The following GALNTL6 variants were observed in gnomAD, a reference collection of about 807,000 sequenced individuals.
GALNTL6 encodes polypeptide N-acetylgalactosaminyltransferase like 6.
A neutral mutation model predicts 73.7 loss-of-function variants in GALNTL6; 46 were observed. The observed-to-expected ratio is 0.62, with a 90% confidence interval of 0.49 to 0.80. The LOEUF (loss-of-function observed/expected upper bound fraction) is 0.80. Ranked by LOEUF, GALNTL6 falls within the 30% of genes least tolerant of loss-of-function variation. GALNTL6 has a pLI of 0.00. For synonymous variants in GALNTL6, 259 were observed against 263.7 expected (o/e 0.98, Z 0.17); for missense variants, 604 against 755.0 (o/e 0.80, Z 2.34).
chr4:172,269,776 G>A (rs1738576484), intron 3 of GALNTL6, among the ~76,000 whole-genome samples: 1 of 151,454 alleles, frequency 6.6e-6, no homozygotes, highest in Non-Finnish European at 1.5e-5. Context: ...TTTTGAGACA[G>A]AGTTTCACTT....
chr4:172,191,134 GC>G (rs768232739), intron 2 of GALNTL6, among the ~76,000 whole-genome samples: 5 of 152,160 alleles, frequency 3.3e-5, no homozygotes, highest in Non-Finnish European at 5.9e-5. Context: ...CTGTGTGATT[GC>G]CCTTTAATTT....
chr4:172,395,976 C>T (rs914599745), intron 5 of GALNTL6, among the ~76,000 whole-genome samples: 1 of 152,064 alleles, frequency 6.6e-6, no homozygotes, highest in Non-Finnish European at 1.5e-5. Flanking sequence ...GCTAAATCAA[C>T]GTGTACAGAA....
At chr4:172,436,005 A>G (rs1301213111) in intron 5 of GALNTL6, among the ~76,000 whole-genome samples, 7 of 37,990 alleles carry the variant, frequency 1.8e-4, no homozygotes, top group African/African-American at 5.6e-4. Context: ...ATACCTTAGC[A>G]TCACACTCTT....
chr4:172,633,845 AT>A lies in GALNTL6; in HGVS notation c.554-175515del, dbSNP rs1262928650. Among the ~76,000 whole-genome samples the A allele has an allele frequency of 2.4e-4, 37 of 152,348 alleles. No individual in the cohort carries two copies. The East Asian group carries it at 4.6e-3, about 19-fold the overall frequency. On this transcript the variant is annotated intron_variant, in intron 5 of 12. Transcript: ENST00000506823. ...TACTGTTCTCGTGGTAGTCAGTTTC[AT>A]GAGATCTGATGGTTTTATAAATGGG... is the stretch of plus-strand genomic sequence containing the variant.
chr4:172,005,640 C>G (rs1169086899), intron 2 of GALNTL6, among the ~76,000 whole-genome samples: 3 of 151,986 alleles, frequency 2.0e-5, no homozygotes, highest in Admixed American at 6.6e-5. Context: ...ACACCTATAC[C>G]TATGCAATAA....
At chr4:172,781,299 A>G (rs531327864) in intron 5 of GALNTL6, among the ~76,000 whole-genome samples, 1 of 152,208 alleles carries the variant, frequency 6.6e-6, no homozygotes, top group Non-Finnish European at 1.5e-5. Flanking sequence ...TCTATGAAGT[A>G]AAACTTTCGA....
At chr4:172,163,806 G>C (rs116684210) in intron 2 of GALNTL6, among the ~76,000 whole-genome samples, 76 of 152,000 alleles carry the variant, frequency 5.0e-4, no homozygotes, top group African/African-American at 1.8e-3. Context: ...AAGATGGTTC[G>C]TTAAAGGCAA....
chr4:172,130,757 T>C (rs888810929), intron 2 of GALNTL6, among the ~76,000 whole-genome samples: 4 of 152,052 alleles, frequency 2.6e-5, no homozygotes, highest in African/African-American at 9.7e-5. Flanking sequence ...AAATTGAAAA[T>C]ATGAAATGAA....
chr4:172,745,253 A>G (rs1737039896), intron 5 of GALNTL6, among the ~76,000 whole-genome samples: 1 of 151,938 alleles, frequency 6.6e-6, no homozygotes, highest in Admixed American at 6.6e-5. Context: ...GAGGATTTAT[A>G]CAAGCATTGA....
At chr4:171,831,113 T>G (rs1303621364) in intron 2 of GALNTL6, among the ~76,000 whole-genome samples, 1 of 152,068 alleles carries the variant, frequency 6.6e-6, no homozygotes, top group South Asian at 2.1e-4. Context: ...CTTCAGACCT[T>G]AAGACTTCTA....
intron 2 of GALNTL6, among the ~76,000 whole-genome samples, chr4:171,874,083 C>A (rs1315773372): frequency 6.6e-6 from 1 of 152,132 alleles, no homozygotes; most frequent in African/African-American, 2.4e-5. Flanking sequence ...TAACTTCCTC[C>A]TTTTGCACTG....
intron 2 of GALNTL6, among the ~76,000 whole-genome samples, chr4:171,885,450 C>T (rs989637695): frequency 1.3e-5 from 2 of 152,114 alleles, no homozygotes; most frequent in Non-Finnish European, 2.9e-5. Context: ...TGCAAATGCT[C>T]ACTGGGCTAA....
intron 5 of GALNTL6, among the ~76,000 whole-genome samples, chr4:172,354,493 T>G (rs769021046): frequency 6.6e-6 from 1 of 152,090 alleles, no homozygotes; most frequent in Non-Finnish European, 1.5e-5. Flanking sequence ...ACAAATTGCT[T>G]TAACATTTGT....
At chr4:172,201,677 GAT>G (rs1416200380) in intron 2 of GALNTL6, among the ~76,000 whole-genome samples, 1 of 152,146 alleles carries the variant, frequency 6.6e-6, no homozygotes, top group Non-Finnish European at 1.5e-5. Flanking sequence ...GGAGCTGAAA[GAT>G]AGAATATTTG....
intron 2 of GALNTL6, among the ~76,000 whole-genome samples, chr4:171,988,854 G>C (rs1212898165): frequency 1.3e-5 from 2 of 152,094 alleles, no homozygotes; most frequent in Non-Finnish European, 2.9e-5. Flanking sequence ...GGAGGGAGTA[G>C]AGGTGTCTTA....
chr4:172,486,293 G>A (rs1733664618), intron 5 of GALNTL6, among the ~76,000 whole-genome samples: 1 of 152,088 alleles, frequency 6.6e-6, no homozygotes, highest in African/African-American at 2.4e-5. Context: ...AGAAAGTGTC[G>A]ACCCTAAGAA....
chr4:171,922,080 G>A (rs556317424), intron 2 of GALNTL6, among the ~76,000 whole-genome samples: 1 of 152,020 alleles, frequency 6.6e-6, no homozygotes, highest in African/African-American at 2.4e-5. Context: ...GTATGTGTGT[G>A]TGTGTGTGTG....
At chr4:171,877,617 T>A (rs1343282898) in intron 2 of GALNTL6, among the ~76,000 whole-genome samples, 1 of 151,868 alleles carries the variant, frequency 6.6e-6, no homozygotes, top group South Asian at 2.1e-4. Context: ...AATTACCTAA[T>A]GTATCACTCA....
chr4:172,924,788 T>C (rs1441223684), intron 8 of GALNTL6, among the ~76,000 whole-genome samples: 1 of 152,126 alleles, frequency 6.6e-6, no homozygotes, highest in Non-Finnish European at 1.5e-5. Flanking sequence ...TATGGAGCAG[T>C]TGTAACTTTG....
Sources: allele counts gnomAD v4.1 joint callset (sites outside exome capture counted in the v4.1 genomes callset), GRCh38; gene constraint gnomAD v4.1.1; transcripts MANE v1.5; gene names NCBI Gene and HGNC (gene_info 2026-07-23, HGNC 2026-07-21).